The following SLC1A5 variants were observed in gnomAD, a reference collection of about 807,000 sequenced individuals.
SLC1A5 encodes the protein solute carrier family 1 member 5, also known as neutral amino acid transporter B(0).
In SLC1A5, 25 loss-of-function variants were observed where a neutral mutation model predicts 34.9. The ratio of observed to expected loss-of-function variants is 0.72; its 90% confidence interval spans 0.52 to 1.00. The LOEUF is 1.00. Ranked by LOEUF, SLC1A5 falls within the 50% of genes least tolerant of loss-of-function variation. The probability of loss-of-function intolerance (pLI) is 0.00; values close to 1 mark genes in which losing one functional copy is unlikely to be tolerated. For synonymous variants in SLC1A5, 351 were observed against 341.2 expected, an observed-to-expected ratio of 1.03 and a Z score of -0.32; for missense variants, 637 against 740.0, an observed-to-expected ratio of 0.86 and a Z score of 1.61.
At chr19:46,778,979 C>T (rs796893228) in intron 4 of SLC1A5, 71 bp from the exon 5 acceptor site, 11 of 1,143,942 alleles carry the variant, frequency 9.6e-6, no homozygotes, top group Non-Finnish European at 1.4e-5. Context: ...AGGCTCAGCA[C>T]CCTACCCACA....
chr19:46,775,148 A>C lies in SLC1A5; in HGVS notation c.*362T>G, dbSNP rs1392775990. Reference sequence around the variant, plus strand: ...GCCAAAATAACCAGCATGGTGTTGTAACATCCCCCCAGTGGGGGCTAGAAT... The same window carrying C: ...GCCAAAATAACCAGCATGGTGTTGTCACATCCCCCCAGTGGGGGCTAGAAT... On this transcript the variant is annotated 3_prime_UTR_variant, in exon 8 of 8. Coordinates refer to ENST00000542575, the MANE Select transcript of SLC1A5 (RefSeq NM_005628.3). 1 of 1,047,148 alleles carries C rather than the reference A, an allele frequency of 9.5e-7. No individual in the cohort carries two copies. Among genetic ancestry groups the C allele is most frequent in the Non-Finnish European group, 1.2e-6 (1 of 868,424 alleles). 64.9% of individuals were successfully genotyped at this position (1,047,148 alleles called of 1,614,324 possible).
chr19:46,777,263 T>C lies in SLC1A5; in HGVS notation c.1201A>G (p.Ile401Val), dbSNP rs779578893. ...AAGGACTGCTGGCTGAGCTGTGCAA[T>C]GAACACTGCGGCCACGCACTGGAAG... ...ALFQCVAAVF[I>V]AQLSQQSLDF... The change falls in exon 6 of 8, where the codon ATT (isoleucine) becomes GTT (valine). Residue 401 changes from isoleucine (I) to valine (V), a missense_variant. Physicochemically the swap from Ile to Val is conservative, Grantham distance 29 (BLOSUM62 3). Transcript: ENST00000542575. 2 of 1,612,794 alleles carry C rather than the reference T, an allele frequency of 1.2e-6. No homozygotes were observed. Among genetic ancestry groups the C allele is most frequent in the South Asian group, 1.1e-5 (1 of 90,906 alleles).
intron 4 of SLC1A5, among the ~76,000 whole-genome samples, chr19:46,781,923 A>C (rs2055149092): frequency 6.6e-6 from 1 of 152,272 alleles, no homozygotes; most frequent in African/African-American, 2.4e-5. Context: ...TCTTCTTGAG[A>C]CAGAGTTTCC....
chr19:46,787,186 A>C lies in SLC1A5; in HGVS notation c.566+214T>G. On this transcript the variant is annotated intron_variant, in intron 1 of 7. Transcript: ENST00000542575. This position sits in a 1 kb window ranked among gnomAD's most constrained non-coding sequence, Gnocchi z 5.2. ...CTTCTCCCTCTATAAGACCCCACTT[A>C]TGTACCCAGGCCCCCAGATTTAGAA... 1 of 1,369,014 alleles carries C rather than the reference A, an allele frequency of 7.3e-7. No individual in the cohort carries two copies. The allele number at this position is 1,369,014 out of a possible 1,614,324, so 84.8% of individuals were successfully genotyped here.
intron 3 of SLC1A5, among the ~76,000 whole-genome samples, chr19:46,783,356 A>G (rs1000549367): frequency 2.6e-5 from 4 of 151,794 alleles, no homozygotes; most frequent in Non-Finnish European, 4.4e-5. Context: ...CCAGCTACTC[A>G]GGAGGCTGAG....
chr19:46,777,887 A>G (rs927175432), intron 5 of SLC1A5, among the ~76,000 whole-genome samples: 1 of 150,912 alleles, frequency 6.6e-6, no homozygotes, highest in Non-Finnish European at 1.5e-5. Flanking sequence ...ACAAGCAGGC[A>G]GCACTAGGGA....
At position 46,788,110 on chromosome 19, in the gene SLC1A5, C is replaced by A; in HGVS notation, c.-145G>T. ...GGAGGGCTCCTTAGAGTTGTGAGTT[C>A]ACAGCACTGAAGTTCCTTGGCTCTT... On this transcript the variant is annotated 5_prime_UTR_variant, in exon 1 of 8. Coordinates refer to ENST00000542575, the MANE Select transcript of SLC1A5 (RefSeq NM_005628.3). 4 of 718,794 alleles carry A rather than the reference C, an allele frequency of 5.6e-6. No homozygotes were observed. The South Asian group carries it at 6.0e-5, about 11-fold the overall frequency. The allele number at this position is 718,794 out of a possible 1,614,324, so 44.5% of individuals were successfully genotyped here.
chr19:46,783,559 G>A (rs753894293), intron 3 of SLC1A5, among the ~76,000 whole-genome samples: 13 of 152,080 alleles, frequency 8.5e-5, no homozygotes, highest in African/African-American at 9.7e-5. Flanking sequence ...TTTGCGAGGC[G>A]GCCAAGGTGG....
At chr19:46,784,958 G>T in intron 1 of SLC1A5, 1 of 1,066,226 alleles carries the variant, frequency 9.4e-7, no homozygotes, top group Non-Finnish European at 1.2e-6. Context: ...GAGTATGGGG[G>T]AGGATCTGGG....
chr19:46,779,379 ATGCCAT>A (rs2055127096), intron 4 of SLC1A5, among the ~76,000 whole-genome samples: 1 of 147,946 alleles, frequency 6.8e-6, no homozygotes, highest in Admixed American at 6.8e-5. Context: ...AGCCAAGATC[ATGCCAT>A]TGCACTCCAG....
Position 46,787,505 on chromosome 19 carries a change from T to G in SLC1A5, c.461A>C (p.Gln154Pro), listed in dbSNP as rs1438769420. The G allele has an allele frequency of 1.3e-6, 2 of 1,581,548 alleles. No individual in the cohort carries two copies. The highest frequency in any genetic ancestry group is 1.1e-5 in the South Asian group (1 of 87,128). ...ALGVGLALAL[Q>P]PGAASAAINA... Reference sequence around the variant, plus strand: ...GATGGCGGCGGAGGCGGCGCCCGGCTGCAGAGCCAGCGCCAAGCCCACTCC... The same window carrying G: ...GATGGCGGCGGAGGCGGCGCCCGGCGGCAGAGCCAGCGCCAAGCCCACTCC... The change falls in exon 1 of 8, where the codon CAG becomes CCG. Residue 154 changes from glutamine (Q) to proline (P), a missense_variant. By Grantham distance (76) the Gln-to-Pro change is moderately conservative. Coordinates refer to ENST00000542575, the MANE Select transcript of SLC1A5 (RefSeq NM_005628.3). This position sits in a 1 kb window ranked among gnomAD's most constrained non-coding sequence, Gnocchi z 5.2.
At chr19:46,781,950 G>A (rs2055149451) in intron 4 of SLC1A5, among the ~76,000 whole-genome samples, 1 of 152,118 alleles carries the variant, frequency 6.6e-6, no homozygotes, top group South Asian at 2.1e-4. Flanking sequence ...CGCCCAGGCA[G>A]TGGCATGATC....
chr19:46,784,220 C>A, intron 2 of SLC1A5, 76 bp from the exon 3 acceptor site: 1 of 1,120,016 alleles, frequency 8.9e-7, no homozygotes, highest in Non-Finnish European at 1.3e-6. Flanking sequence ...TAACAATGCT[C>A]AAAGCCTGCC....
At chr19:46,776,896 G>A (rs2055094194) in intron 7 of SLC1A5, 79 bp downstream of exon 7, 7 of 1,436,216 alleles carry the variant, frequency 4.9e-6, no homozygotes, top group Non-Finnish European at 6.7e-6. Flanking sequence ...CTGTCCAGAG[G>A]CTCTAAGGAC....
intron 4 of SLC1A5, 41 bp downstream of exon 4, chr19:46,782,342 T>TGCCAACCCCCCCCCCCC: frequency 7.6e-6 from 4 of 523,368 alleles, no homozygotes; most frequent in Non-Finnish European, 1.4e-5. Flanking sequence ...AGACCGACCC[T>TGCCAACCCCCCCCCCCC]CCAACCCCAC....
At chr19:46,781,428 G>A (rs570219903) in intron 4 of SLC1A5, among the ~76,000 whole-genome samples, 29 of 152,118 alleles carry the variant, frequency 1.9e-4, no homozygotes, top group East Asian at 5.8e-4. Context: ...GAGAAACCCC[G>A]TCTCTACTAA....
chr19:46,786,665 G>A (rs569206508), intron 1 of SLC1A5, among the ~76,000 whole-genome samples: 90 of 152,234 alleles, frequency 5.9e-4, no homozygotes, highest in African/African-American at 2.0e-3. Flanking sequence ...TCTGCCCCCC[G>A]CCCTCCTCAA....
rs778544872 is a variant in SLC1A5, at chr19:46,775,462, G to C, written c.*48C>G. 5 of 1,558,462 alleles carry C rather than the reference G, an allele frequency of 3.2e-6. No homozygotes were observed. In the African/African-American group the frequency reaches 4.1e-5, roughly 13 times the overall value. On this transcript the variant is annotated 3_prime_UTR_variant, in exon 8 of 8. Coordinates refer to ENST00000542575, the MANE Select transcript of SLC1A5 (RefSeq NM_005628.3). ...CCATTTATCCATTCCTCATAATCCA[G>C]TGTCCAAAGAGCACCCCCAGCAGGG... is the stretch of plus-strand genomic sequence containing the variant.
intron 7 of SLC1A5, chr19:46,776,628 A>C (rs1035033873): frequency 7.6e-5 from 18 of 235,982 alleles, no homozygotes; most frequent in Non-Finnish European, 1.2e-4. Context: ...TTAGGGAGAG[A>C]CTGTTCTTCT....
Sources: gnomAD v4.1 joint callset for allele counts (sites outside exome capture counted in the v4.1 genomes callset) on GRCh38, gnomAD v4.1.1 for gene constraint, Gnocchi (gnomAD v3.1) non-coding constraint, MANE v1.5 for transcripts, NCBI Gene and HGNC (gene_info 2026-07-23, HGNC 2026-07-21) for gene names.